GPC5: variants seen among roughly 807,000 people sequenced by gnomAD.
GPC5 encodes the protein glypican-5.
Under a neutral mutation model 53.9 loss-of-function variants are expected in GPC5, and 47 were observed. The observed-to-expected ratio is 0.87, with a 90% CI of 0.69 to 1.11. The LOEUF is 1.11. GPC5 is among the 50% of genes most tolerant of loss of function. The pLI is 0.00. For missense variants in GPC5, 748 were observed against 713.1 expected (o/e 1.05, Z -0.56); for synonymous variants, 286 against 263.3 (o/e 1.09, Z -0.84).
At chr13:92,300,905 TGTG>T (rs2043070981) in intron 7 of GPC5, among the ~76,000 whole-genome samples, 1 of 152,198 alleles carries the variant, frequency 6.6e-6, no homozygotes, top group Non-Finnish European at 1.5e-5. Flanking sequence ...GCAAATGTAA[TGTG>T]GTCCCAATAT....
chr13:91,683,863 T>A (rs1470155331), intron 2 of GPC5, among the ~76,000 whole-genome samples: 1 of 152,190 alleles, frequency 6.6e-6, no homozygotes, highest in Non-Finnish European at 1.5e-5. Context: ...CTCCAGTGCC[T>A]GTCTTGGTTT....
intron 7 of GPC5, among the ~76,000 whole-genome samples, chr13:92,531,961 C>G (rs1449612265): frequency 3.9e-5 from 6 of 152,134 alleles, no homozygotes; most frequent in African/African-American, 1.2e-4. Context: ...ATTAAGTTAC[C>G]TGTTAACTCT....
intron 7 of GPC5, among the ~76,000 whole-genome samples, chr13:92,839,587 T>A (rs1385648763): frequency 6.6e-6 from 1 of 152,106 alleles, no homozygotes; most frequent in East Asian, 1.9e-4. Flanking sequence ...GTTTGTTAAG[T>A]ATATTGGCCT....
chr13:92,806,028 G>A (rs1877087431), intron 7 of GPC5, among the ~76,000 whole-genome samples: 1 of 151,984 alleles, frequency 6.6e-6, no homozygotes, highest in Non-Finnish European at 1.5e-5. Flanking sequence ...CTCTAGCTAT[G>A]AAAGTCCTAG....
intron 6 of GPC5, among the ~76,000 whole-genome samples, chr13:91,962,539 G>A (rs2040135562): frequency 1.3e-5 from 2 of 151,930 alleles, no homozygotes; most frequent in Non-Finnish European, 1.5e-5. Context: ...AAAATTTTGG[G>A]GAGGGTTGTT....
intron 2 of GPC5, among the ~76,000 whole-genome samples, chr13:91,599,396 A>G (rs554407656): frequency 2.6e-5 from 4 of 152,272 alleles, no homozygotes; most frequent in African/African-American, 7.2e-5. Flanking sequence ...TCATAAATCA[A>G]GCCTGATGAC....
At chr13:91,844,765 A>T (rs1285367146) in intron 5 of GPC5, among the ~76,000 whole-genome samples, 1 of 151,854 alleles carries the variant, frequency 6.6e-6, no homozygotes, top group African/African-American at 2.4e-5. Flanking sequence ...TCACTCTGTC[A>T]CCCTGGCTGG....
chr13:91,558,303 G>A (rs988961323), intron 2 of GPC5, among the ~76,000 whole-genome samples: 3 of 151,958 alleles, frequency 2.0e-5, no homozygotes, highest in African/African-American at 7.2e-5. Flanking sequence ...CTTGGTCTCG[G>A]TATTAGTTAA....
intron 7 of GPC5, among the ~76,000 whole-genome samples, chr13:92,211,916 G>C (rs1430243775): frequency 6.6e-6 from 1 of 152,036 alleles, no homozygotes; most frequent in Non-Finnish European, 1.5e-5. Flanking sequence ...CAGAGATTTT[G>C]GCCTGTTGAT....
In GPC5 at chr13:92,799,121, C is replaced by T. The variant is rs562335901; in HGVS notation, c.1562-67161C>T. The stretch of plus-strand genomic sequence containing the variant: ...AAACAAAAGTCACTCTTAGAGATTG[C>T]TACCCCTCTCCTGTGGTAAATGAGG... On this transcript the variant is annotated intron_variant, in intron 7 of 7. Transcript: ENST00000377067. Among the ~76,000 whole-genome samples, 6 of 151,698 alleles carry T rather than the reference C, an allele frequency of 4.0e-5. No homozygotes were observed. In the South Asian group the frequency reaches 1.2e-3, roughly 31 times the overall value.
chr13:91,937,307 A>G (rs1594674384), intron 6 of GPC5, among the ~76,000 whole-genome samples: 1 of 152,076 alleles, frequency 6.6e-6, no homozygotes, highest in Non-Finnish European at 1.5e-5. Flanking sequence ...AGAGAGAAAA[A>G]GGATGGCAAT....
At chr13:92,746,508 C>T (rs1233665661) in intron 7 of GPC5, among the ~76,000 whole-genome samples, 2 of 152,044 alleles carry the variant, frequency 1.3e-5, no homozygotes, top group African/African-American at 4.8e-5. Flanking sequence ...TCTGTAGGTG[C>T]CTCTCAATGC....
chr13:92,610,154 TA>T (rs1884389503), intron 7 of GPC5, among the ~76,000 whole-genome samples: 1 of 151,972 alleles, frequency 6.6e-6, no homozygotes, highest in African/African-American at 2.4e-5. Context: ...TTGAACTGAC[TA>T]TAATAAATAC....
intron 7 of GPC5, among the ~76,000 whole-genome samples, chr13:92,527,633 T>C (rs185671974): frequency 6.6e-6 from 1 of 152,118 alleles, no homozygotes; most frequent in African/African-American, 2.4e-5. Flanking sequence ...TCTTATTAAA[T>C]TTTGCTGTGA....
intron 3 of GPC5, among the ~76,000 whole-genome samples, chr13:91,713,113 C>G (rs138725095): frequency 6.6e-6 from 1 of 152,118 alleles, no homozygotes; most frequent in Non-Finnish European, 1.5e-5. Context: ...ATTGCTTGAA[C>G]CCGGGAGGCG....
chr13:91,814,525 C>CTTTATTTATTTATTTATTTATTTA (rs140584837), intron 5 of GPC5, among the ~76,000 whole-genome samples: 10 of 150,964 alleles, frequency 6.6e-5, no homozygotes, highest in Admixed American at 6.6e-4. Flanking sequence ...TATTCTGCAA[C>CTTTATTTATTTATTTATTTATTTA]TTTATTTATT....
intron 6 of GPC5, among the ~76,000 whole-genome samples, chr13:91,957,245 G>C (rs544009573): frequency 6.6e-6 from 1 of 152,208 alleles, no homozygotes; most frequent in Admixed American, 6.5e-5. Flanking sequence ...TTGAGAACTT[G>C]AAGACAAGTC....
At chr13:92,663,639 C>T (rs373296460) in intron 7 of GPC5, among the ~76,000 whole-genome samples, 20 of 111,352 alleles carry the variant, frequency 1.8e-4, no homozygotes, top group Admixed American at 1.1e-3. Context: ...TATATATACA[C>T]ACTATATATA....
At chr13:92,043,750 A>G (rs1356296618) in intron 6 of GPC5, among the ~76,000 whole-genome samples, 1 of 152,184 alleles carries the variant, frequency 6.6e-6, no homozygotes, top group African/African-American at 2.4e-5. Context: ...TGTTGGAAAA[A>G]TCATGTATAT....
Sources: gnomAD v4.1 joint callset for allele counts (sites outside exome capture counted in the v4.1 genomes callset) on GRCh38, gnomAD v4.1.1 for gene constraint, MANE v1.5 for transcripts, NCBI Gene and HGNC (gene_info 2026-07-23, HGNC 2026-07-21) for gene names.